The following PKHD1L1 variants were observed in gnomAD, a reference collection of about 807,000 sequenced individuals.
PKHD1L1 encodes the protein fibrocystin-L.
PKHD1L1 carries 434 observed loss-of-function variants against 462.9 expected under a neutral mutation model. That is an observed-to-expected ratio of 0.94 (90% confidence interval 0.87 to 1.02). The LOEUF is 1.02. Among genes scored for constraint, PKHD1L1 ranks in the 50% least tolerant of loss-of-function variants. PKHD1L1 has a pLI of 0.00. For missense variants in PKHD1L1, 5,202 were observed against 5,096.1 expected (o/e 1.02, Z -0.63); for synonymous variants, 1,781 against 1,750.0 (o/e 1.02, Z -0.44).
At chr8:109,404,860 G>A (rs888156881) in intron 15 of PKHD1L1, 135 bp from the exon 16 acceptor site, 55 of 1,141,062 alleles carry the variant, frequency 4.8e-5, no homozygotes, top group African/African-American at 1.4e-4. Flanking sequence ...GTATTTGTAC[G>A]ATAAGCCAAA....
intron 48 of PKHD1L1, among the ~76,000 whole-genome samples, chr8:109,462,245 C>T (rs958415420): frequency 1.3e-5 from 2 of 152,180 alleles, no homozygotes; most frequent in Non-Finnish European, 1.5e-5. Context: ...CCTGGTCTTC[C>T]TGCTCCCACG....
In PKHD1L1 at chr8:109,443,775, G is replaced by A; in HGVS notation, c.4664G>A (p.Arg1555Lys). 6.2e-7 allele frequency: 1 copy of A among 1,613,830 alleles called. No homozygotes were observed. Among genetic ancestry groups the A allele is most frequent in the Non-Finnish European group, 8.5e-7 (1 of 1,179,774 alleles). The stretch of plus-strand genomic sequence containing the variant: ...AATACCAGGGTTAAAAATTCAAAAA[G>A]ATTGCTATTTGAGGTTTCAAGTTGT... Reference protein sequence around the residue: ...LNNTRVKNSKRLLFEVSSCFS... With the variant: ...LNNTRVKNSKKLLFEVSSCFS... Residue 1555 changes from arginine (R) to lysine (K), a missense_variant, in exon 37 of 78, where the codon AGA (arginine) becomes AAA (lysine). By Grantham distance (26) the Arg-to-Lys change is conservative. Transcript: ENST00000378402.
At position 109,364,109 on chromosome 8, in the gene PKHD1L1, C is replaced by A. The variant is rs949365388; in HGVS notation, c.74-438C>A. The stretch of plus-strand genomic sequence containing the variant: ...CTCAAAACCAACATTTCTCTTTGTA[C>A]CTGGTCTAGTCTTTCAAACTACCTA... On this transcript the variant is annotated intron_variant, in intron 1 of 77. Coordinates refer to ENST00000378402, the MANE Select transcript of PKHD1L1 (RefSeq NM_177531.6). 2.0e-5 allele frequency among the ~76,000 whole-genome samples: 3 copies of A among 152,130 alleles called. No homozygotes were observed. In the South Asian group the frequency reaches 6.2e-4, roughly 32 times the overall value.
In PKHD1L1 at chr8:109,485,080, G is replaced by A. The variant is rs370977696; in HGVS notation, c.9613G>A (p.Asp3205Asn). The A allele has an allele frequency of 6.1e-5, 98 of 1,602,044 alleles. No homozygotes were observed. The highest frequency in any genetic ancestry group is 7.2e-5 in the Non-Finnish European group (85 of 1,174,058). ...GATTGTGATAACAACCACAAGCTAC[G>A]ATTTCCACCAGACAGAAACAAGAAG... ...EEIVITTTSY[D>N]FHQTETRSIV... is the part of the protein sequence containing the mutation. Residue 3205 changes from aspartate (D) to asparagine (N), a missense_variant, in exon 58 of 78, where the codon GAT becomes AAT. Transcript: ENST00000378402.
intron 68 of PKHD1L1, among the ~76,000 whole-genome samples, chr8:109,505,039 T>C (rs1819621881): frequency 6.6e-6 from 1 of 152,090 alleles, no homozygotes; most frequent in South Asian, 2.1e-4. Context: ...ATGCCTGGCT[T>C]AATTATTATT....
chr8:109,479,447 TACCA>T, intron 53 of PKHD1L1, 100 bp from the exon 54 acceptor site: 1 of 780,358 alleles, frequency 1.3e-6, no homozygotes, highest in Non-Finnish European at 2.1e-6. Context: ...TTTTCTTCTC[TACCA>T]TGTAAAATCT....
At position 109,364,572 on chromosome 8, in the gene PKHD1L1, C is replaced by T. The variant is rs752029351; in HGVS notation, c.99C>T (p.Val33=). The change falls in exon 2 of 78, where the codon GTC becomes GTT. Residue 33 remains valine, a synonymous_variant. Coordinates refer to ENST00000378402, the MANE Select transcript of PKHD1L1 (RefSeq NM_177531.6). ...STDGSQIIPK[V]TEIIPKYGSI... Reference sequence around the variant, plus strand: ...ATGGCTCTCAAATAATCCCCAAAGTCACAGAAATAATACCTAAATATGGCA... The same window carrying T: ...ATGGCTCTCAAATAATCCCCAAAGTTACAGAAATAATACCTAAATATGGCA... The T allele has an allele frequency of 6.2e-7, 1 of 1,601,080 alleles. No individual in the cohort carries two copies. Among genetic ancestry groups the T allele is most frequent in the Admixed American group, 1.7e-5 (1 of 59,534 alleles).
chr8:109,383,230 T>A (rs1185476773), intron 4 of PKHD1L1, among the ~76,000 whole-genome samples: 1 of 91,640 alleles, frequency 1.1e-5, no homozygotes, highest in Non-Finnish European at 2.1e-5. Flanking sequence ...ATATATTATA[T>A]ATAGTTATAT....
At chr8:109,410,946 C>T (rs1813826509) in intron 19 of PKHD1L1, among the ~76,000 whole-genome samples, 1 of 151,526 alleles carries the variant, frequency 6.6e-6, no homozygotes, top group Non-Finnish European at 1.5e-5. Flanking sequence ...CCAGGATGGT[C>T]TCGATCTCTT....
At position 109,534,258 on chromosome 8, in the gene PKHD1L1, C is replaced by T. The variant is rs769711633; in HGVS notation, c.*4168C>T. Among the ~76,000 whole-genome samples the T allele has an allele frequency of 6.6e-6, 1 of 152,180 alleles. No homozygotes were observed. Among genetic ancestry groups the T allele is most frequent in the Admixed American group, 6.5e-5 (1 of 15,276 alleles). ...CAGGCGGATCACGAGGTCAGGAGAT[C>T]GAGACTATCCTGGCTAACACAGTGA... On this transcript the variant is annotated 3_prime_UTR_variant, in exon 78 of 78. Coordinates refer to ENST00000378402, the MANE Select transcript of PKHD1L1 (RefSeq NM_177531.6).
intron 4 of PKHD1L1, among the ~76,000 whole-genome samples, chr8:109,382,991 A>G (rs946537044): frequency 1.4e-5 from 2 of 145,452 alleles, no homozygotes; most frequent in African/African-American, 5.1e-5. Flanking sequence ...AAATAGAAGT[A>G]TTAGCAGTAA....
chr8:109,376,606 T>C (rs1811849615), intron 2 of PKHD1L1, among the ~76,000 whole-genome samples: 2 of 152,150 alleles, frequency 1.3e-5, no homozygotes, highest in Non-Finnish European at 2.9e-5. Flanking sequence ...CTGGGAGCTG[T>C]AGACTGGAGC....
Position 109,486,778 on chromosome 8 carries a change from C to A in PKHD1L1, c.9837C>A (p.Arg3279=). The change falls in exon 59 of 78, where the codon CGC becomes CGA. Residue 3279 remains arginine (R), a synonymous_variant. Coordinates refer to ENST00000378402, the MANE Select transcript of PKHD1L1 (RefSeq NM_177531.6). Reference sequence around the variant, plus strand: ...GGTCTGAGGACTCTTTTGGAGCACGCGTACTGGTTGGCTCATTCACTGAAA... The same window carrying A: ...GGTCTGAGGACTCTTTTGGAGCACGAGTACTGGTTGGCTCATTCACTGAAA... ...PGWSEDSFGA[R]VLVGSFTENM... 1 of 1,612,104 alleles carries A rather than the reference C, an allele frequency of 6.2e-7. No individual in the cohort carries two copies.
intron 1 of PKHD1L1, among the ~76,000 whole-genome samples, chr8:109,363,366 T>C (rs1206515590): frequency 6.6e-6 from 1 of 152,202 alleles, no homozygotes. Context: ...ACAGAGGCAC[T>C]GGGTCTGGGG....
intron 38 of PKHD1L1, 41 bp from the exon 39 acceptor site, chr8:109,448,102 A>G (rs756147438): frequency 1.3e-6 from 2 of 1,505,896 alleles, no homozygotes; most frequent in African/African-American, 2.8e-5. Flanking sequence ...GTGTATTAAT[A>G]GTTAGATATA....
intron 52 of PKHD1L1, 103 bp downstream of exon 52, chr8:109,476,770 C>T (rs1818009290): frequency 1.0e-6 from 1 of 983,350 alleles, no homozygotes; most frequent in Non-Finnish European, 1.4e-6. Flanking sequence ...TTAATATATA[C>T]AGGATCCAAT....
chr8:109,436,552 G>A, intron 30 of PKHD1L1, 93 bp downstream of exon 30: 2 of 1,532,176 alleles, frequency 1.3e-6, no homozygotes, highest in South Asian at 2.5e-5. Flanking sequence ...GAAACAAGTG[G>A]TGTATTTACT....
intron 27 of PKHD1L1, 121 bp from the exon 28 acceptor site, chr8:109,432,985 T>G: frequency 2.8e-6 from 2 of 707,174 alleles, no homozygotes; most frequent in Non-Finnish European, 4.7e-6. Context: ...GCTCTCCTGT[T>G]AGGCTTATTG....
At chr8:109,367,991 A>G (rs954494576) in intron 2 of PKHD1L1, among the ~76,000 whole-genome samples, 2 of 152,228 alleles carry the variant, frequency 1.3e-5, no homozygotes, top group Non-Finnish European at 2.9e-5. Flanking sequence ...AAGTGTTTTG[A>G]ACAATGGCAT....
Sources: allele counts gnomAD v4.1 joint callset (sites outside exome capture counted in the v4.1 genomes callset), GRCh38; gene constraint gnomAD v4.1.1; transcripts MANE v1.5; gene names NCBI Gene and HGNC (gene_info 2026-07-23, HGNC 2026-07-21).